The following IRX5 variants were observed in gnomAD, a reference collection of about 807,000 sequenced individuals.
The protein encoded by IRX5 is iroquois-class homeodomain protein IRX-5.
In IRX5, 8 loss-of-function variants were observed where a neutral mutation model predicts 37.6. That is an observed-to-expected ratio of 0.21 (90% CI 0.12 to 0.38). The LOEUF (loss-of-function observed/expected upper bound fraction) is 0.38. Ranked by LOEUF, IRX5 falls within the 10% of genes least tolerant of loss-of-function variation. IRX5 has a pLI of 1.00. For missense variants in IRX5, 635 were observed against 695.2 expected, an observed-to-expected ratio of 0.91 and a Z score of 0.97; for synonymous variants, 359 against 328.6, an observed-to-expected ratio of 1.09 and a Z score of -1.00.
rs773136029 is a variant in IRX5, at chr16:54,932,138, G to C, written c.250-360G>C. The stretch of plus-strand genomic sequence containing the variant: ...GTGCGTCCGCTCCCCCGCCGAGCGC[G>C]GAGTCGCCTCAGTTGCCCAGGCCTC... On this transcript the variant is annotated intron_variant, in intron 1 of 2. Transcript: ENST00000394636. The surrounding 1 kb of genome is among the most constrained non-coding windows in gnomAD (Gnocchi z 6.7). 9 of 702,926 alleles carry C rather than the reference G, an allele frequency of 1.3e-5. No homozygotes were observed. Among genetic ancestry groups the C allele is most frequent in the Non-Finnish European group, 2.1e-5 (8 of 384,982 alleles). The allele number at this position is 702,926 out of a possible 1,614,324, so 43.5% of individuals were successfully genotyped here. A position where few individuals can be genotyped will look rare whatever the true frequency, so the allele number is the denominator to read the frequency against.
Position 54,933,621 on chromosome 16 carries a change from G to A in IRX5, c.1200G>A (p.Arg400=). 6.2e-7 allele frequency: 1 copy of A among 1,611,452 alleles called. No homozygotes were observed. The change falls in exon 3 of 3, where the codon CGG becomes CGA. Residue 400 remains arginine (R), a synonymous_variant. Transcript: ENST00000394636. ...TTCCAGGCGGGACGGTGCTGTCCCG[G>A]CCTCTCTACTACACCGCGCCCTTCT... is the stretch of plus-strand genomic sequence containing the variant. ...CPFPGGTVLS[R]PLYYTAPFYP...
In IRX5 at chr16:54,932,882, G is replaced by T. The variant is rs1435421655; in HGVS notation, c.634G>T (p.Asp212Tyr). The T allele has an allele frequency of 1.2e-6, 2 of 1,611,424 alleles. No individual in the cohort carries two copies. Among genetic ancestry groups the T allele is most frequent in the South Asian group, 2.2e-5 (2 of 90,948 alleles). ...GCCCCAGAAGCCCGAGGACAAGGGC[G>T]ACCCCGAGGGCCCCGAAGCAGGTTG... ...DEPQKPEDKG[D>Y]PEGPEAGGAE... The change falls in exon 2 of 3, where the codon GAC (aspartate) becomes TAC (tyrosine). Residue 212 changes from aspartate (D) to tyrosine (Y), a missense_variant. Around this residue, in one of 5 missense-constraint regions of IRX5, gnomAD observed 244 missense variants for 205.4 expected, o/e 1.19. Coordinates refer to ENST00000394636, the MANE Select transcript of IRX5 (RefSeq NM_005853.6). This position sits in a 1 kb window ranked among gnomAD's most constrained non-coding sequence, Gnocchi z 6.7.
In IRX5 at chr16:54,933,424, T is replaced by TG; in HGVS notation, c.1005dup (p.Ser336ValfsTer120). ...TGCGGTGCTCGCCAAGCCCAAACTG[T>TG]GGTCTTTGGCAGAGATCGCCACATC... On this transcript the variant is annotated frameshift_variant, in exon 3 of 3. Transcript: ENST00000394636. LOFTEE classifies it high-confidence loss of function. The TG allele has an allele frequency of 6.2e-7, 1 of 1,608,984 alleles. No homozygotes were observed. The highest frequency in any genetic ancestry group is 8.5e-7 in the Non-Finnish European group (1 of 1,178,576).
rs750725523 is a variant in IRX5 at position 54,933,204 on chromosome 16, C to G, written c.783C>G (p.Leu261=). The G allele has an allele frequency of 2.0e-6, 3 of 1,533,740 alleles. No homozygotes were observed. Among genetic ancestry groups the G allele is most frequent in the Non-Finnish European group, 2.6e-6 (3 of 1,147,122 alleles). ...DFKEPPSEGR[L]DALQGPPRTG... is the part of the protein sequence containing the mutation. ...AGGAGCCGCCCTCGGAGGGCCGCCT[C>G]GACGCGCTGCAGGGCCCCCCCCGCA... is the stretch of plus-strand genomic sequence containing the variant. Residue 261 remains leucine, a synonymous_variant, in exon 3 of 3, where the codon CTC becomes CTG. Transcript: ENST00000394636.
Position 54,932,716 on chromosome 16 carries a change from C to T in IRX5, c.468C>T (p.Thr156=), listed in dbSNP as rs1366937808. 3.7e-6 allele frequency: 6 copies of T among 1,613,824 alleles called. No individual in the cohort carries two copies. Among genetic ancestry groups the T allele is most frequent in the African/African-American group, 1.3e-5 (1 of 74,912 alleles). The change falls in exon 2 of 3, where the codon ACC becomes ACT. Residue 156 remains threonine, a synonymous_variant. Coordinates refer to ENST00000394636, the MANE Select transcript of IRX5 (RefSeq NM_005853.6). The surrounding 1 kb of genome is among the most constrained non-coding windows in gnomAD (Gnocchi z 6.7). ...KIMLAIITKM[T]LTQVSTWFAN... ...TGCTGGCCATCATCACCAAGATGAC[C>T]CTCACCCAGGTGTCCACCTGGTTCG...
In IRX5 at chr16:54,933,513, G is replaced by A. The variant is rs375662858; in HGVS notation, c.1092G>A (p.Gly364=). Residue 364 remains glycine, a synonymous_variant, in exon 3 of 3, where the codon GGG becomes GGA. Transcript: ENST00000394636. The part of the protein sequence containing the change: ...NEGSPCPPCP[G]PIAGQALGGS... Reference sequence around the variant, plus strand: ...GCTCTCCATGCCCACCGTGTCCCGGGCCCATAGCCGGGCAAGCCCTAGGAG... The same window carrying A: ...GCTCTCCATGCCCACCGTGTCCCGGACCCATAGCCGGGCAAGCCCTAGGAG... 739 of 1,610,148 alleles carry A rather than the reference G, an allele frequency of 4.6e-4. 8 individuals carry two copies. In the South Asian group the frequency reaches 7.5e-3, roughly 16 times the overall value.
Position 54,932,513 on chromosome 16 carries a change from C to A in IRX5, c.265C>A (p.His89Asn). The change falls in exon 2 of 3, where the codon CAC becomes AAC. Residue 89 changes from histidine (H) to asparagine (N), a missense_variant. Physicochemically the swap from His to Asn is moderately conservative, Grantham distance 68 (BLOSUM62 1). This residue lies in a region of IRX5 where 145 missense variants were observed against 152.4 expected (regional missense o/e 0.95). Coordinates refer to ENST00000394636, the MANE Select transcript of IRX5 (RefSeq NM_005853.6). The surrounding 1 kb of genome is among the most constrained non-coding windows in gnomAD (Gnocchi z 6.7). ...TCCACCGCAGGGCTCTCCCTACGACCACACACCCGGCATGGCGGGCTCCTT... is the reference window on the plus strand; with the variant it reads ...TCCACCGCAGGGCTCTCCCTACGACAACACACCCGGCATGGCGGGCTCCTT... ...FSSYVGSPYDHTPGMAGSLGY... is the reference protein window; with the variant it reads ...FSSYVGSPYDNTPGMAGSLGY... The A allele has an allele frequency of 6.2e-7, 1 of 1,612,072 alleles. No individual in the cohort carries two copies.
intron 1 of IRX5, chr16:54,931,990 G>T (rs1963902998): frequency 1.5e-6 from 1 of 685,238 alleles, no homozygotes; most frequent in Admixed American, 2.1e-5. Context: ...CTTCGGTCTG[G>T]GGTAGTATTT....
Position 54,932,579 on chromosome 16 carries a change from T to G in IRX5, c.331T>G (p.Tyr111Asp). The change falls in exon 2 of 3, where the codon TAC becomes GAC. Residue 111 changes from tyrosine (Y) to aspartate (D), a missense_variant. Physicochemically the swap from Tyr to Asp is radical, Grantham distance 160 (BLOSUM62 -3). Coordinates refer to ENST00000394636, the MANE Select transcript of IRX5 (RefSeq NM_005853.6). The surrounding 1 kb of genome is among the most constrained non-coding windows in gnomAD (Gnocchi z 6.7). Reference protein sequence around the residue: ...PYAAPLGSYPYGDPAYRKNAT... With the variant: ...PYAAPLGSYPDGDPAYRKNAT... Reference sequence around the variant, plus strand: ...CGCGGCGCCCCTGGGATCGTACCCTTACGGGGACCCAGCGTACCGGAAGAA... The same window carrying G: ...CGCGGCGCCCCTGGGATCGTACCCTGACGGGGACCCAGCGTACCGGAAGAA... 1 of 1,614,042 alleles carries G rather than the reference T, an allele frequency of 6.2e-7. No individual in the cohort carries two copies. Among genetic ancestry groups the G allele is most frequent in the Non-Finnish European group, 8.5e-7 (1 of 1,180,012 alleles).
chr16:54,931,815 A>C (rs766007458), intron 1 of IRX5, among the ~76,000 whole-genome samples: 1 of 152,250 alleles, frequency 6.6e-6, no homozygotes, highest in Admixed American at 6.5e-5. Context: ...AAATTTGAGC[A>C]GAAGCGTGCT....
At position 54,931,374 on chromosome 16, in the gene IRX5, C is replaced by T. The variant is rs758725985; in HGVS notation, c.176C>T (p.Pro59Leu). The T allele has an allele frequency of 1.1e-5, 18 of 1,604,074 alleles. No individual in the cohort carries two copies. Among genetic ancestry groups the T allele is most frequent in the Non-Finnish European group, 1.5e-5 (18 of 1,179,426 alleles). ...AGSTAFTAPS[P>L]GYNSHLQYGA... ...TCGACTGCCTTCACGGCGCCCTCGCCGGGCTACAACTCGCACCTCCAGTAC... is the reference window on the plus strand; with the variant it reads ...TCGACTGCCTTCACGGCGCCCTCGCTGGGCTACAACTCGCACCTCCAGTAC... The change falls in exon 1 of 3, where the codon CCG (proline) becomes CTG (leucine). Residue 59 changes from proline (P) to leucine (L), a missense_variant. Coordinates refer to ENST00000394636, the MANE Select transcript of IRX5 (RefSeq NM_005853.6).
chr16:54,933,320 C>A lies in IRX5; in HGVS notation c.899C>A (p.Pro300Gln). Residue 300 changes from proline to glutamine, a missense_variant, in exon 3 of 3, where the codon CCG (proline) becomes CAG (glutamine). Physicochemically the swap from Pro to Gln is moderately conservative, Grantham distance 76. Transcript: ENST00000394636. Reference sequence around the variant, plus strand: ...CCCGCCGGAGCGCCGGCGCCCGGCCCGCATCCAGCCGCGGGCGAGGTGCCT... The same window carrying A: ...CCCGCCGGAGCGCCGGCGCCCGGCCAGCATCCAGCCGCGGGCGAGGTGCCT... Reference protein sequence around the residue: ...HYPAGAPAPGPHPAAGEVPPG... With the variant: ...HYPAGAPAPGQHPAAGEVPPG... The A allele has an allele frequency of 6.9e-7, 1 of 1,452,238 alleles. No individual in the cohort carries two copies. The allele number at this position is 1,452,238 out of a possible 1,614,324, so 90.0% of individuals were successfully genotyped here. A position where few individuals can be genotyped will look rare whatever the true frequency, so the allele number is the denominator to read the frequency against.
At chr16:54,933,032 G>A in intron 2 of IRX5, 45 bp from the exon 3 acceptor site, 2 of 1,603,448 alleles carry the variant, frequency 1.2e-6, no homozygotes, top group Non-Finnish European at 8.5e-7. Flanking sequence ...ACCGGGTCCC[G>A]CCGCGCGGCC....
chr16:54,931,441 G>T lies in IRX5; in HGVS notation c.243G>T (p.Ser81=). ...CCGCCGCCGCCGCCGCCTTCTCCTC[G>T]TACGTGGTAAGTGAGCGGGATCCGC... The part of the protein sequence containing the change: ...PAAAAAAAFS[S]YVGSPYDHTP... Residue 81 remains serine, a synonymous_variant, in exon 1 of 3, where the codon TCG becomes TCT. Transcript: ENST00000394636. The T allele has an allele frequency of 6.3e-7, 1 of 1,584,218 alleles. No homozygotes were observed. The highest frequency in any genetic ancestry group is 8.5e-7 in the Non-Finnish European group (1 of 1,173,262).
In IRX5 at chr16:54,932,941, A is replaced by C. The variant is rs778939652; in HGVS notation, c.655+38A>C. The C allele has an allele frequency of 6.3e-7, 1 of 1,587,788 alleles. No individual in the cohort carries two copies. Among genetic ancestry groups the C allele is most frequent in the Non-Finnish European group, 8.6e-7 (1 of 1,168,840 alleles). On this transcript the variant is annotated intron_variant, in intron 2 of 2. Coordinates refer to ENST00000394636, the MANE Select transcript of IRX5 (RefSeq NM_005853.6). This position sits in a 1 kb window ranked among gnomAD's most constrained non-coding sequence, Gnocchi z 6.7. ...GGGAAAGGGCGTGTTGGGCGGGAGT[A>C]AAAAGGAAAAGAGAGGCCTGGAGGG...
intron 2 of IRX5, 63 bp from the exon 3 acceptor site, chr16:54,933,014 G>A: frequency 6.2e-7 from 1 of 1,603,160 alleles, no homozygotes; most frequent in Non-Finnish European, 8.5e-7. Context: ...CTGCCTTTGC[G>A]GGCGGGAACC....
intron 1 of IRX5, 59 bp downstream of exon 1, chr16:54,931,506 G>C: frequency 6.8e-7 from 1 of 1,470,696 alleles, no homozygotes; most frequent in Non-Finnish European, 9.0e-7. Context: ...GGAGGACGGG[G>C]GCGGAGGGGG....
Position 54,933,544 on chromosome 16 carries a change from C to T in IRX5, c.1123C>T (p.Arg375Trp). 1 of 1,607,314 alleles carries T rather than the reference C, an allele frequency of 6.2e-7. No homozygotes were observed. ...PIAGQALGGS[R>W]ASPAPAPSRS... ...AGCCGGGCAAGCCCTAGGAGGCAGC[C>T]GGGCGTCGCCGGCCCCGGCGCCGTC... The change falls in exon 3 of 3, where the codon CGG becomes TGG. Residue 375 changes from arginine (R) to tryptophan (W), a missense_variant. Around this residue, in one of 5 missense-constraint regions of IRX5, gnomAD observed 188 missense variants for 200.8 expected, o/e 0.94. Transcript: ENST00000394636.
intron 1 of IRX5, among the ~76,000 whole-genome samples, chr16:54,931,792 A>G (rs1963900550): frequency 6.6e-6 from 1 of 152,254 alleles, no homozygotes; most frequent in Non-Finnish European, 1.5e-5. Flanking sequence ...GTAGTTCAAA[A>G]GAAATAGACT....
Sources: allele counts gnomAD v4.1 joint callset (sites outside exome capture counted in the v4.1 genomes callset), GRCh38; gene constraint gnomAD v4.1.1; regional missense constraint gnomAD v4.1.1; non-coding constraint Gnocchi (gnomAD v3.1); transcripts MANE v1.5; gene names NCBI Gene and HGNC (gene_info 2026-07-23, HGNC 2026-07-21).